The following KHDRBS3 variants were observed in gnomAD, a reference collection of about 807,000 sequenced individuals.
KHDRBS3 encodes the protein KH domain-containing, RNA-binding, signal transduction-associated protein 3.
Under a neutral mutation model 45.6 loss-of-function variants are expected in KHDRBS3, and 23 were observed. The observed-to-expected ratio is 0.50, with a 90% CI of 0.36 to 0.72. The LOEUF (loss-of-function observed/expected upper bound fraction) is 0.72, where lower values mean the gene tolerates loss of function less well. Among genes scored for constraint, KHDRBS3 ranks in the 30% least tolerant of loss-of-function variants. KHDRBS3 has a pLI of 0.00. For missense variants in KHDRBS3, 352 were observed against 424.8 expected, an observed-to-expected ratio of 0.83 and a Z score of 1.51; for synonymous variants, 162 against 156.5, an observed-to-expected ratio of 1.04 and a Z score of -0.26.
At chr8:135,620,069 C>G (rs1830073597) in intron 7 of KHDRBS3, among the ~76,000 whole-genome samples, 1 of 148,610 alleles carries the variant, frequency 6.7e-6, no homozygotes, top group Non-Finnish European at 1.5e-5. Flanking sequence ...TTTAGCAAGG[C>G]CTTTTTTTTT....
rs1043134532 is a variant in KHDRBS3, at chr8:135,488,553, A to G, written c.88+30599A>G. On this transcript the variant is annotated intron_variant, in intron 1 of 8. Transcript: ENST00000355849. The stretch of plus-strand genomic sequence containing the variant: ...GATTCAGCATCTAGAGATTAGAGAA[A>G]GTTAAGGATAACAATTCTCAGTGGA... 2.0e-5 allele frequency among the ~76,000 whole-genome samples: 3 copies of G among 152,218 alleles called. No homozygotes were observed. The East Asian group carries it at 5.8e-4, about 29-fold the overall frequency.
intron 1 of KHDRBS3, among the ~76,000 whole-genome samples, chr8:135,466,967 T>A (rs1333394791): frequency 2.0e-5 from 3 of 152,200 alleles, no homozygotes; most frequent in Non-Finnish European, 2.9e-5. Context: ...TCATACATTT[T>A]AAAATAACTA....
At chr8:135,608,090 G>A (rs1393060647) in intron 7 of KHDRBS3, among the ~76,000 whole-genome samples, 1 of 152,048 alleles carries the variant, frequency 6.6e-6, no homozygotes, top group African/African-American at 2.4e-5. Flanking sequence ...GTGAATGCTT[G>A]ATAAGACTTT....
At chr8:135,636,073 G>T (rs1830798632) in intron 7 of KHDRBS3, among the ~76,000 whole-genome samples, 1 of 152,104 alleles carries the variant, frequency 6.6e-6, no homozygotes. Context: ...ATTCATTTTT[G>T]AGAAAATGTG....
chr8:135,527,737 A>G (rs1825266448), intron 2 of KHDRBS3, among the ~76,000 whole-genome samples: 1 of 152,230 alleles, frequency 6.6e-6, no homozygotes, highest in South Asian at 2.1e-4. Context: ...GCTCTGTTTT[A>G]AGTGTCTGTG....
downstream of KHDRBS3, among the ~76,000 whole-genome samples, chr8:135,651,400 T>A (rs915682295): frequency 1.3e-5 from 2 of 151,910 alleles, no homozygotes; most frequent in African/African-American, 2.4e-5. Flanking sequence ...TGTTCACTCA[T>A]TGGTTGCTAT....
chr8:135,593,830 CTA>C (rs1828857500), intron 6 of KHDRBS3, among the ~76,000 whole-genome samples: 1 of 152,042 alleles, frequency 6.6e-6, no homozygotes, highest in Non-Finnish European at 1.5e-5. Flanking sequence ...ATTAGAACAC[CTA>C]TAATTGACTT....
At chr8:135,577,108 T>G (rs930768689) in intron 5 of KHDRBS3, among the ~76,000 whole-genome samples, 4 of 80,762 alleles carry the variant, frequency 5.0e-5, no homozygotes, top group Admixed American at 1.2e-4. Context: ...TTATTTACGG[T>G]TTTTTTTTTC....
At chr8:135,566,523 G>A (rs1035613452) in intron 5 of KHDRBS3, among the ~76,000 whole-genome samples, 1 of 152,140 alleles carries the variant, frequency 6.6e-6, no homozygotes, top group Non-Finnish European at 1.5e-5. Flanking sequence ...AAGAAATGCC[G>A]AGATAGAGAG....
intron 5 of KHDRBS3, among the ~76,000 whole-genome samples, chr8:135,561,508 C>G (rs867125941): frequency 6.6e-6 from 1 of 151,032 alleles, no homozygotes; most frequent in South Asian, 2.1e-4. Flanking sequence ...CTTGGTCCTT[C>G]CCTTGTGTTT....
chr8:135,556,346 C>T (rs2130827292), intron 4 of KHDRBS3, among the ~76,000 whole-genome samples: 1 of 152,308 alleles, frequency 6.6e-6, no homozygotes, highest in East Asian at 1.9e-4. Context: ...TTTAAACTCC[C>T]ACCAACAATG....
intron 7 of KHDRBS3, among the ~76,000 whole-genome samples, chr8:135,641,022 CA>C (rs1217229789): frequency 6.6e-6 from 1 of 152,134 alleles, no homozygotes; most frequent in East Asian, 1.9e-4. Context: ...GACAGTCTTG[CA>C]ATAAATAATC....
At chr8:135,584,781 A>C (rs1007653359) in intron 6 of KHDRBS3, among the ~76,000 whole-genome samples, 1 of 152,028 alleles carries the variant, frequency 6.6e-6, no homozygotes, top group Non-Finnish European at 1.5e-5. Context: ...TCTACTTCCA[A>C]CTTTTCTAAT....
chr8:135,501,002 T>C (rs1823709471), intron 1 of KHDRBS3, among the ~76,000 whole-genome samples: 1 of 152,220 alleles, frequency 6.6e-6, no homozygotes, highest in African/African-American at 2.4e-5. Context: ...CTACTTGTTC[T>C]ACTTAACTTG....
At chr8:135,590,963 A>G (rs1828716072) in intron 6 of KHDRBS3, among the ~76,000 whole-genome samples, 1 of 152,242 alleles carries the variant, frequency 6.6e-6, no homozygotes, top group Non-Finnish European at 1.5e-5. Context: ...ATGGTAGGGC[A>G]TTTTAAATGT....
chr8:135,621,301 T>C (rs1830131009), intron 7 of KHDRBS3, among the ~76,000 whole-genome samples: 1 of 152,194 alleles, frequency 6.6e-6, no homozygotes, highest in Non-Finnish European at 1.5e-5. Flanking sequence ...ATAAATTAGA[T>C]AATATGTGTA....
At position 135,614,670 on chromosome 8, in the gene KHDRBS3, C is replaced by A. The variant is rs566135350; in HGVS notation, c.890+7633C>A. ...TATCAACCCAAATTACCCCCATAGACCCGTAAATACTTAATTCCCAAGACC... is the reference window on the plus strand; with the variant it reads ...TATCAACCCAAATTACCCCCATAGAACCGTAAATACTTAATTCCCAAGACC... On this transcript the variant is annotated intron_variant, in intron 7 of 8. Transcript: ENST00000355849. Among the ~76,000 whole-genome samples, 7 of 151,534 alleles carry A rather than the reference C, an allele frequency of 4.6e-5. No homozygotes were observed. The South Asian group carries it at 1.5e-3, about 32-fold the overall frequency.
chr8:135,618,669 A>G (rs769195501), intron 7 of KHDRBS3, among the ~76,000 whole-genome samples: 18 of 152,306 alleles, frequency 1.2e-4, no homozygotes, highest in Admixed American at 2.0e-4. Flanking sequence ...TCTCCCAGAA[A>G]TTAGAGTAAG....
chr8:135,587,670 A>G (rs1464671309), intron 6 of KHDRBS3, among the ~76,000 whole-genome samples: 1 of 152,210 alleles, frequency 6.6e-6, no homozygotes. Flanking sequence ...AACCCAGTAC[A>G]CATTCAATGA....
Sources: gnomAD v4.1 joint callset for allele counts (sites outside exome capture counted in the v4.1 genomes callset) on GRCh38, gnomAD v4.1.1 for gene constraint, MANE v1.5 for transcripts, NCBI Gene and HGNC (gene_info 2026-07-23, HGNC 2026-07-21) for gene names.